SRGAP1: variants seen among roughly 807,000 people sequenced by gnomAD.
SRGAP1 encodes the protein SLIT-ROBO Rho GTPase activating protein 1, also known as SLIT-ROBO Rho GTPase-activating protein 1.
A neutral mutation model predicts 121.9 loss-of-function variants in SRGAP1; 43 were observed. The ratio of observed to expected loss-of-function variants is 0.35; its 90% confidence interval spans 0.28 to 0.46. The LOEUF (loss-of-function observed/expected upper bound fraction) is 0.46, where lower values mean the gene tolerates loss of function less well. SRGAP1 is among the 20% of genes least tolerant of loss of function. The probability of loss-of-function intolerance (pLI) is 1.00; values close to 1 mark genes in which losing one functional copy is unlikely to be tolerated. For synonymous variants in SRGAP1, 447 were observed against 485.4 expected (o/e 0.92, Z 1.04); for missense variants, 1,102 against 1,350.9 (o/e 0.82, Z 2.89).
At chr12:63,936,585 C>T (rs1036161915) in intron 1 of SRGAP1, among the ~76,000 whole-genome samples, 6 of 152,116 alleles carry the variant, frequency 3.9e-5, no homozygotes, top group Non-Finnish European at 7.3e-5. Flanking sequence ...AACCAGTAGA[C>T]AAGTGTAGAC....
chr12:63,949,981 G>T (rs772493876), intron 1 of SRGAP1, among the ~76,000 whole-genome samples: 68 of 152,292 alleles, frequency 4.5e-4, no homozygotes, highest in Non-Finnish European at 5.7e-4. Flanking sequence ...ACTTGAAAAT[G>T]TATCTCTAAA....
At chr12:63,896,635 G>A (rs750633496) in intron 1 of SRGAP1, among the ~76,000 whole-genome samples, 2 of 152,222 alleles carry the variant, frequency 1.3e-5, no homozygotes, top group East Asian at 1.9e-4. Context: ...TTACAATCAT[G>A]TGGGAATGGA....
intron 2 of SRGAP1, among the ~76,000 whole-genome samples, chr12:63,989,425 A>G (rs2033497581): frequency 6.6e-6 from 1 of 152,202 alleles, no homozygotes; most frequent in Non-Finnish European, 1.5e-5. Flanking sequence ...GGGATTAATA[A>G]ATAACCCTCA....
intron 21 of SRGAP1, among the ~76,000 whole-genome samples, chr12:64,138,077 C>G (rs1389572068): frequency 6.6e-6 from 1 of 151,530 alleles, no homozygotes; most frequent in Non-Finnish European, 1.5e-5. Context: ...AGACTGTGTT[C>G]GTCTCACAAA....
intron 15 of SRGAP1, among the ~76,000 whole-genome samples, chr12:64,102,090 A>G (rs1355962767): frequency 3.3e-5 from 5 of 152,260 alleles, no homozygotes; most frequent in African/African-American, 1.2e-4. Context: ...TTAATATACA[A>G]CATAACCACA....
chr12:64,042,739 C>A, intron 4 of SRGAP1, 51 bp from the exon 5 acceptor site: 1 of 1,470,826 alleles, frequency 6.8e-7, no homozygotes, highest in Non-Finnish European at 9.5e-7. Flanking sequence ...CCCATTCACT[C>A]TCTAAATGAC....
intron 1 of SRGAP1, among the ~76,000 whole-genome samples, chr12:63,900,205 T>TTC (rs750457235): frequency 2.1e-4 from 19 of 92,090 alleles, no homozygotes; most frequent in South Asian, 3.9e-4. Flanking sequence ...TTTCTTTTTC[T>TTC]TTTTTTTTTT....
chr12:64,043,248 G>A (rs2035059277), intron 5 of SRGAP1, among the ~76,000 whole-genome samples, 199 bp from the exon 6 acceptor site: 1 of 152,162 alleles, frequency 6.6e-6, no homozygotes, highest in Non-Finnish European at 1.5e-5. Context: ...CAAATACATT[G>A]TTATTATTCC....
chr12:64,060,581 G>A (rs2035433097), intron 6 of SRGAP1, among the ~76,000 whole-genome samples: 1 of 152,042 alleles, frequency 6.6e-6, no homozygotes, highest in South Asian at 2.1e-4. Flanking sequence ...TAAATAGCAA[G>A]ATTTTAGAAT....
intron 3 of SRGAP1, among the ~76,000 whole-genome samples, chr12:64,013,350 A>G (rs1365029729): frequency 2.0e-5 from 3 of 152,224 alleles, no homozygotes; most frequent in Non-Finnish European, 4.4e-5. Flanking sequence ...TGGCCCAAGT[A>G]TCTGTGAATA....
Position 63,883,942 on chromosome 12 carries a change from G to A in SRGAP1, c.67+39059G>A, listed in dbSNP as rs556868291. 1.2e-4 allele frequency among the ~76,000 whole-genome samples: 18 copies of A among 151,038 alleles called. No homozygotes were observed. In the South Asian group the frequency reaches 3.8e-3, roughly 32 times the overall value. ...CAAAGTGCTGGGATTACAGGCGTGA[G>A]CCACCGTGCCCGGCCAAGGGAAATG... On this transcript the variant is annotated intron_variant, in intron 1 of 21. Transcript: ENST00000355086.
intron 7 of SRGAP1, 79 bp from the exon 8 acceptor site, chr12:64,065,039 A>T (rs2035512904): frequency 2.1e-6 from 2 of 956,966 alleles, no homozygotes. Context: ...TGATTCATGC[A>T]TCATTTAAAT....
intron 15 of SRGAP1, among the ~76,000 whole-genome samples, chr12:64,099,585 G>A (rs891503568): frequency 6.6e-6 from 1 of 152,130 alleles, no homozygotes; most frequent in African/African-American, 2.4e-5. Flanking sequence ...AAGTACAGCT[G>A]CACGTCCATT....
At chr12:64,038,207 A>G (rs577964192) in intron 4 of SRGAP1, among the ~76,000 whole-genome samples, 41 of 152,310 alleles carry the variant, frequency 2.7e-4, no homozygotes, top group Admixed American at 9.8e-4. Flanking sequence ...AATGCTGAAA[A>G]GTATGTCTAG....
intron 4 of SRGAP1, among the ~76,000 whole-genome samples, chr12:64,039,628 C>CGTGTGTGTGTGTGTGTGTGT (rs6144742): frequency 0.024 from 3,081 of 130,848 alleles, 176 homozygotes; most frequent in Non-Finnish European, 0.032. Flanking sequence ...AGCTGAGCAA[C>CGTGTGTGTGTGTGTGTGTGT]GTGTGTGTGT....
In SRGAP1 at chr12:64,149,315, A is replaced by G. The variant is rs539248670; in HGVS notation, c.*6643A>G. Reference sequence around the variant, plus strand: ...ACTGTCTGATATGGAGACTGGAAATATTCATAGATGACACTGAAACTAGTT... The same window carrying G: ...ACTGTCTGATATGGAGACTGGAAATGTTCATAGATGACACTGAAACTAGTT... On this transcript the variant is annotated 3_prime_UTR_variant, in exon 22 of 22. Coordinates refer to ENST00000355086, the MANE Select transcript of SRGAP1 (RefSeq NM_020762.4). 6.6e-6 allele frequency: 1 copy of G among 152,346 alleles called. No individual in the cohort carries two copies. The highest frequency in any genetic ancestry group is 2.1e-4 in the South Asian group (1 of 4,828). The allele number at this position is 152,346 out of a possible 1,614,324, so 9.4% of individuals were successfully genotyped here.
At chr12:63,984,528 A>G (rs990301714) in intron 2 of SRGAP1, among the ~76,000 whole-genome samples, 1 of 152,222 alleles carries the variant, frequency 6.6e-6, no homozygotes, top group Non-Finnish European at 1.5e-5. Flanking sequence ...GAAAGTAAGC[A>G]GTAAGAATTG....
intron 21 of SRGAP1, among the ~76,000 whole-genome samples, chr12:64,134,389 C>G (rs531569528): frequency 1.1e-4 from 16 of 150,648 alleles, no homozygotes; most frequent in African/African-American, 3.7e-4. Context: ...CCACTGCACT[C>G]TAGCCTGAGC....
chr12:64,087,175 G>C (rs2035962132), intron 11 of SRGAP1, 149 bp downstream of exon 11: 1 of 576,328 alleles, frequency 1.7e-6, no homozygotes, highest in Non-Finnish European at 2.9e-6. Flanking sequence ...GAAATGTTTG[G>C]GCTTCTTACA....
Sources: gnomAD v4.1 joint callset for allele counts (sites outside exome capture counted in the v4.1 genomes callset) on GRCh38, gnomAD v4.1.1 for gene constraint, MANE v1.5 for transcripts, NCBI Gene and HGNC (gene_info 2026-07-23, HGNC 2026-07-21) for gene names.